Variants in GNPTAB observed in about 807,000 individuals in gnomAD.
GNPTAB encodes the protein N-acetylglucosamine-1-phosphotransferase subunits alpha/beta.
In GNPTAB, 92 loss-of-function variants were observed where a neutral mutation model predicts 136.6. The ratio of observed to expected loss-of-function variants is 0.67; its 90% CI spans 0.57 to 0.80. The LOEUF (loss-of-function observed/expected upper bound fraction) is 0.80, where lower values mean the gene tolerates loss of function less well. Ranked by LOEUF, GNPTAB falls within the 30% of genes least tolerant of loss-of-function variation. GNPTAB has a pLI of 0.00. For synonymous variants in GNPTAB, 512 were observed against 535.1 expected (o/e 0.96, Z 0.60); for missense variants, 1,343 against 1,501.8 (o/e 0.89, Z 1.75).
intron 1 of GNPTAB, among the ~76,000 whole-genome samples, chr12:101,826,178 A>C (rs1363840995): frequency 6.6e-6 from 1 of 152,270 alleles, no homozygotes; most frequent in Non-Finnish European, 1.5e-5. Context: ...TCATTGATTC[A>C]AAATGGCAAC....
At chr12:101,812,281 T>G (rs1003651238) in intron 1 of GNPTAB, among the ~76,000 whole-genome samples, 1 of 151,946 alleles carries the variant, frequency 6.6e-6, no homozygotes, top group Non-Finnish European at 1.5e-5. Context: ...AACAACCAGA[T>G]CTGAGAACTC....
chr12:101,758,037 ATTT>A (rs565284497), intron 16 of GNPTAB, among the ~76,000 whole-genome samples: 3 of 126,200 alleles, frequency 2.4e-5, no homozygotes, highest in East Asian at 2.2e-4. Flanking sequence ...TCATAGTCTC[ATTT>A]TTTTTTTTTT....
At chr12:101,820,346 C>T (rs1023857143) in intron 1 of GNPTAB, among the ~76,000 whole-genome samples, 2 of 152,216 alleles carry the variant, frequency 1.3e-5, no homozygotes, top group African/African-American at 4.8e-5. Flanking sequence ...AACATAAGGA[C>T]TGGAGGATTT....
At chr12:101,769,928 G>C in intron 10 of GNPTAB, 93 bp downstream of exon 10, 1 of 1,227,394 alleles carries the variant, frequency 8.1e-7, no homozygotes. Flanking sequence ...ACCATGTCTG[G>C]CCTGATATTT....
intron 1 of GNPTAB, among the ~76,000 whole-genome samples, chr12:101,814,241 G>A (rs1002618202): frequency 2.6e-5 from 4 of 152,068 alleles, no homozygotes; most frequent in South Asian, 2.1e-4. Flanking sequence ...AGAGGCTGCA[G>A]TGAGCTGACA....
chr12:101,754,117 G>T (rs752483338), intron 18 of GNPTAB, among the ~76,000 whole-genome samples: 3 of 151,316 alleles, frequency 2.0e-5, no homozygotes, highest in Non-Finnish European at 4.4e-5. Context: ...AAGACAATCC[G>T]TAAGTACCTA....
intron 10 of GNPTAB, 105 bp from the exon 11 acceptor site, chr12:101,768,265 T>C (rs1953123549): frequency 1.0e-5 from 14 of 1,342,158 alleles, no homozygotes; most frequent in Admixed American, 2.0e-5. Context: ...TCTAGAAAGA[T>C]TAAAATTTTC....
At chr12:101,824,405 C>CATATATATATAT (rs373112951) in intron 1 of GNPTAB, among the ~76,000 whole-genome samples, 559 of 47,748 alleles carry the variant, frequency 0.012, 9 homozygotes, top group East Asian at 0.04. Flanking sequence ...GAAATTTCAC[C>CATATATATATAT]ATATATATAT....
In GNPTAB at chr12:101,757,288, C is replaced by T; in HGVS notation, c.3358G>A (p.Glu1120Lys). ...GTACGAATCATTTTAAAAGCGATTT[C>T]TTCTTCTCCCATGATTTCAAACCTA... is the stretch of plus-strand genomic sequence containing the variant. ...KYRFEIMGEE[E>K]IAFKMIRTNV... The change falls in exon 18 of 21, where the codon GAA (glutamate) becomes AAA (lysine). Residue 1120 changes from glutamate (E) to lysine (K), a missense_variant. Transcript: ENST00000299314. The T allele has an allele frequency of 6.2e-7, 1 of 1,602,322 alleles. No homozygotes were observed. Among genetic ancestry groups the T allele is most frequent in the Non-Finnish European group, 8.5e-7 (1 of 1,169,888 alleles).
intron 5 of GNPTAB, among the ~76,000 whole-genome samples, chr12:101,784,957 A>G (rs1316773337): frequency 6.6e-6 from 1 of 152,196 alleles, no homozygotes; most frequent in East Asian, 1.9e-4. Flanking sequence ...TCAGCAGTAC[A>G]CTGGTCAAGT....
At chr12:101,764,115 C>A in intron 13 of GNPTAB, 87 bp downstream of exon 13, 1 of 1,564,594 alleles carries the variant, frequency 6.4e-7, no homozygotes, top group East Asian at 2.2e-5. Flanking sequence ...CAGGGAAGTG[C>A]TGAATAAATG....
chr12:101,764,337 A>G lies in GNPTAB; in HGVS notation c.2580T>C (p.Ser860=). 6.2e-7 allele frequency: 1 copy of G among 1,614,056 alleles called. No individual in the cohort carries two copies. The highest frequency in any genetic ancestry group is 8.5e-7 in the Non-Finnish European group (1 of 1,179,986). The change falls in exon 13 of 21, where the codon AGT becomes AGC. Residue 860 remains serine, a synonymous_variant. Coordinates refer to ENST00000299314, the MANE Select transcript of GNPTAB (RefSeq NM_024312.5). ...GATTTTCAGCATTTTCCTCCATTCT[A>G]CTGTTCTCTTTTTCTTTCCCTGTGA... ...KKITGKEKEN[S]RMEENAENHI...
At position 101,747,006 on chromosome 12, in the gene GNPTAB, T is replaced by G; in HGVS notation, c.*158A>C. The G allele has an allele frequency of 1.5e-6, 1 of 650,226 alleles. No homozygotes were observed. The highest frequency in any genetic ancestry group is 2.8e-6 in the Non-Finnish European group (1 of 354,886). 40.3% of individuals were successfully genotyped at this position (650,226 alleles called of 1,614,324 possible). A position where few individuals can be genotyped will look rare whatever the true frequency, so the allele number is the denominator to read the frequency against. On this transcript the variant is annotated 3_prime_UTR_variant, in exon 21 of 21. Transcript: ENST00000299314. Reference sequence around the variant, plus strand: ...AGTGGGTTGGTTAAATAATTCCTGGTCAGTGGGCTATATTCATGCCACAAA... The same window carrying G: ...AGTGGGTTGGTTAAATAATTCCTGGGCAGTGGGCTATATTCATGCCACAAA...
intron 13 of GNPTAB, among the ~76,000 whole-genome samples, chr12:101,763,071 A>G (rs1300302972): frequency 6.6e-6 from 1 of 151,934 alleles, no homozygotes; most frequent in Non-Finnish European, 1.5e-5. Flanking sequence ...AAATACAAAA[A>G]ATTGGCCAGG....
intron 2 of GNPTAB, among the ~76,000 whole-genome samples, chr12:101,791,215 G>C (rs1303001004): frequency 6.6e-6 from 1 of 152,138 alleles, no homozygotes; most frequent in Non-Finnish European, 1.5e-5. Flanking sequence ...ATTTTACCCA[G>C]ATTTTATCCC....
chr12:101,753,925 AGATCACCT>A (rs1350915528), intron 18 of GNPTAB, among the ~76,000 whole-genome samples: 2 of 149,424 alleles, frequency 1.3e-5, no homozygotes, highest in Non-Finnish European at 3.0e-5. Context: ...AGAGGTGGGC[AGATCACCT>A]GAGGTCAGGA....
At chr12:101,786,555 G>C (rs1267017837) in intron 4 of GNPTAB, among the ~76,000 whole-genome samples, 1 of 152,134 alleles carries the variant, frequency 6.6e-6, no homozygotes, top group Non-Finnish European at 1.5e-5. Context: ...TTATTGGACA[G>C]ATTAGGAAGG....
chr12:101,770,132 G>T lies in GNPTAB; in HGVS notation c.1173C>A (p.His391Gln), dbSNP rs142320578. 8 of 1,614,054 alleles carry T rather than the reference G, an allele frequency of 5.0e-6. No individual in the cohort carries two copies. Among genetic ancestry groups the T allele is most frequent in the Non-Finnish European group, 6.8e-6 (8 of 1,180,000 alleles). Residue 391 changes from histidine (H) to glutamine (Q), a missense_variant, in exon 10 of 21, where the codon CAC (histidine) becomes CAA (glutamine). By Grantham distance (24) the His-to-Gln change is conservative. Coordinates refer to ENST00000299314, the MANE Select transcript of GNPTAB (RefSeq NM_024312.5). ...GGGACAGCCCTTCGATGCGATGAAT[G>T]TGACTTTCAATAGCAGGTGAACTAA... ...PTFSSPAIES[H>Q]IHRIEGLSQK...
chr12:101,783,178 C>T (rs144407549), intron 5 of GNPTAB, among the ~76,000 whole-genome samples: 7 of 152,122 alleles, frequency 4.6e-5, no homozygotes, highest in East Asian at 3.9e-4. Flanking sequence ...CTGTTCCCTG[C>T]TGTATCTTCA....
Sources: gnomAD v4.1 joint callset for allele counts (sites outside exome capture counted in the v4.1 genomes callset) on GRCh38, gnomAD v4.1.1 for gene constraint, MANE v1.5 for transcripts, NCBI Gene and HGNC (gene_info 2026-07-23, HGNC 2026-07-21) for gene names.